The following CPT1A variants were observed in gnomAD, a reference collection of about 807,000 sequenced individuals.
CPT1A encodes carnitine O-palmitoyltransferase 1, liver isoform.
A neutral mutation model predicts 100.8 loss-of-function variants in CPT1A; 64 were observed. The observed-to-expected ratio is 0.63, with a 90% CI of 0.52 to 0.78. The LOEUF is 0.78. Among genes scored for constraint, CPT1A ranks in the 30% least tolerant of loss-of-function variants. CPT1A has a pLI of 0.00. For missense variants in CPT1A, 802 were observed against 1,034.1 expected (o/e 0.78, Z 3.08); for synonymous variants, 363 against 396.0 (o/e 0.92, Z 0.99).
intron 1 of CPT1A, among the ~76,000 whole-genome samples, chr11:68,837,685 T>C (rs940390298): frequency 1.5e-4 from 23 of 151,860 alleles, no homozygotes; most frequent in African/African-American, 5.6e-4. Flanking sequence ...GGAAAAAGGG[T>C]GCTTCGGGCA....
At chr11:68,835,723 C>A (rs1375528399) in intron 1 of CPT1A, among the ~76,000 whole-genome samples, 2 of 152,170 alleles carry the variant, frequency 1.3e-5, no homozygotes, top group Non-Finnish European at 2.9e-5. Context: ...GGAGTGGGGG[C>A]CTCCAAAACC....
At chr11:68,761,736 G>A in intron 15 of CPT1A, 49 bp from the exon 16 acceptor site, 1 of 1,607,572 alleles carries the variant, frequency 6.2e-7, no homozygotes, top group Non-Finnish European at 8.5e-7. Context: ...CTCAAGTTGA[G>A]CAGTTACGGA....
At chr11:68,841,938 G>A, upstream of CPT1A, 2 of 984,878 alleles carry the variant, frequency 2.0e-6, no homozygotes, top group South Asian at 9.0e-5. This position sits in a 1 kb window ranked among gnomAD's most constrained non-coding sequence, Gnocchi z 6.3. Flanking sequence ...GTCCGGCTGC[G>A]GCGCCTGCAG....
At chr11:68,807,715 G>C in intron 3 of CPT1A, 77 bp from the exon 4 acceptor site, 1 of 1,433,550 alleles carries the variant, frequency 7.0e-7, no homozygotes, top group South Asian at 1.2e-5. Flanking sequence ...TGACGCCACA[G>C]ACACCACGTG....
chr11:68,824,585 A>C (rs998581891), intron 1 of CPT1A, among the ~76,000 whole-genome samples: 1 of 152,198 alleles, frequency 6.6e-6, no homozygotes, highest in African/African-American at 2.4e-5. Context: ...GTTTTTTAAG[A>C]GACAGAGTCT....
At chr11:68,831,350 G>A (rs1314417676) in intron 1 of CPT1A, among the ~76,000 whole-genome samples, 6 of 152,152 alleles carry the variant, frequency 3.9e-5, no homozygotes, top group East Asian at 1.9e-4. Context: ...TTGATGCACC[G>A]TGCATTGCCA....
intron 1 of CPT1A, among the ~76,000 whole-genome samples, chr11:68,837,486 T>A (rs1857037929): frequency 6.6e-6 from 1 of 152,116 alleles, no homozygotes; most frequent in African/African-American, 2.4e-5. Context: ...AGCTAGCAGC[T>A]TGCTGTGGGG....
At chr11:68,814,017 T>C (rs1325161988) in intron 2 of CPT1A, among the ~76,000 whole-genome samples, 1 of 151,994 alleles carries the variant, frequency 6.6e-6, no homozygotes, top group Non-Finnish European at 1.5e-5. Flanking sequence ...CCCACTTCAG[T>C]GCCGCCCTCG....
chr11:68,816,635 T>C (rs1856398069), intron 1 of CPT1A, among the ~76,000 whole-genome samples: 1 of 152,192 alleles, frequency 6.6e-6, no homozygotes, highest in Non-Finnish European at 1.5e-5. Flanking sequence ...TGGTGGCTCC[T>C]GCCCTTCTCA....
At chr11:68,833,531 C>T (rs917750245) in intron 1 of CPT1A, among the ~76,000 whole-genome samples, 1 of 152,098 alleles carries the variant, frequency 6.6e-6, no homozygotes, top group South Asian at 2.1e-4. Flanking sequence ...CCAAGGTGGG[C>T]GGATCACCTG....
chr11:68,776,505 C>T (rs1475904740), intron 12 of CPT1A, among the ~76,000 whole-genome samples: 2 of 152,198 alleles, frequency 1.3e-5, no homozygotes, highest in Non-Finnish European at 2.9e-5. Context: ...TAGGCACATA[C>T]ATACACACAG....
chr11:68,799,611 T>C (rs1288236627), intron 5 of CPT1A, among the ~76,000 whole-genome samples: 1 of 151,972 alleles, frequency 6.6e-6, no homozygotes, highest in Non-Finnish European at 1.5e-5. Flanking sequence ...AAAAATTAGC[T>C]GGACATGGTG....
chr11:68,768,066 CTTTTTTTT>C (rs71043448), intron 14 of CPT1A, among the ~76,000 whole-genome samples: 8 of 71,244 alleles, frequency 1.1e-4, no homozygotes, highest in South Asian at 1.3e-3. Context: ...AGTTTCCAGT[CTTTTTTTT>C]TTTTTTTTTT....
intron 3 of CPT1A, among the ~76,000 whole-genome samples, chr11:68,809,140 G>A (rs1022959122): frequency 6.6e-6 from 1 of 151,942 alleles, no homozygotes; most frequent in African/African-American, 2.4e-5. Flanking sequence ...TCTATAACCC[G>A]TGAAATCTAG....
Position 68,788,975 on chromosome 11 carries a change from C to T in CPT1A, c.968-3965G>A, listed in dbSNP as rs377036551. Among the ~76,000 whole-genome samples, 243 of 152,160 alleles carry T rather than the reference C, an allele frequency of 1.6e-3. 5 individuals carry two copies. In the South Asian group the frequency reaches 0.024, roughly 15 times the overall value. The stretch of plus-strand genomic sequence containing the variant: ...CTACAGACTGTTTGACCAATGCATG[C>T]AGGGGAGAAACATACACAGAATTCA... On this transcript the variant is annotated intron_variant, in intron 9 of 18. Transcript: ENST00000265641.
intron 14 of CPT1A, 79 bp from the exon 15 acceptor site, chr11:68,762,840 G>A: frequency 5.7e-6 from 9 of 1,582,304 alleles, no homozygotes; most frequent in Non-Finnish European, 7.8e-6. Context: ...GGGTAAGATT[G>A]GCAAGGAGAC....
intron 1 of CPT1A, among the ~76,000 whole-genome samples, chr11:68,831,870 C>T (rs1015119599): frequency 6.6e-6 from 1 of 151,934 alleles, no homozygotes; most frequent in Non-Finnish European, 1.5e-5. Context: ...TGACCCCAAG[C>T]GATCCGTCTG....
intron 3 of CPT1A, among the ~76,000 whole-genome samples, chr11:68,811,957 C>T (rs1856223993): frequency 1.3e-5 from 2 of 151,408 alleles, no homozygotes; most frequent in South Asian, 4.2e-4. Flanking sequence ...ACGGGGGGGT[C>T]CCTGGAGATT....
chr11:68,819,053 C>T (rs1856509304), intron 1 of CPT1A, among the ~76,000 whole-genome samples: 2 of 152,108 alleles, frequency 1.3e-5, no homozygotes, highest in Non-Finnish European at 2.9e-5. Flanking sequence ...GCTATCTAAG[C>T]AGCTGTAAGA....
Sources: gnomAD v4.1 joint callset for allele counts (sites outside exome capture counted in the v4.1 genomes callset) on GRCh38, gnomAD v4.1.1 for gene constraint, Gnocchi (gnomAD v3.1) non-coding constraint, MANE v1.5 for transcripts, NCBI Gene and HGNC (gene_info 2026-07-23, HGNC 2026-07-21) for gene names.